STK33: variants seen among roughly 807,000 people sequenced by gnomAD.
STK33 encodes the protein serine/threonine-protein kinase 33.
A neutral mutation model predicts 58.0 loss-of-function variants in STK33; 52 were observed. That is an observed-to-expected ratio of 0.90 (90% CI 0.72 to 1.13). The LOEUF is 1.13. Ranked by LOEUF, STK33 falls within the 50% of genes most tolerant of loss-of-function variation. The pLI is 0.00. For missense variants in STK33, 630 were observed against 604.2 expected, an observed-to-expected ratio of 1.04 and a Z score of -0.45; for synonymous variants, 215 against 200.1, an observed-to-expected ratio of 1.07 and a Z score of -0.63.
chr11:8,511,895 T>C (rs1173813769), intron 1 of STK33, among the ~76,000 whole-genome samples: 1 of 152,180 alleles, frequency 6.6e-6, no homozygotes. Context: ...TTGAAGATTT[T>C]TGCATCTATC....
chr11:8,336,422 G>A, the STK33 span, among the ~76,000 whole-genome samples: 18 of 152,370 alleles, frequency 1.2e-4, no homozygotes, highest in East Asian at 1.2e-3. Flanking sequence ...TGCCATTCAC[G>A]GGGAGATGGA....
chr11:8,443,896 C>T (rs949831984), intron 11 of STK33, among the ~76,000 whole-genome samples: 3 of 152,024 alleles, frequency 2.0e-5, no homozygotes, highest in African/African-American at 7.2e-5. Context: ...GCTCCTGGCT[C>T]CTGGGGAGGC....
At chr11:8,372,526 T>C in the STK33 span, among the ~76,000 whole-genome samples, 2 of 152,210 alleles carry the variant, frequency 1.3e-5, no homozygotes, top group African/African-American at 4.8e-5. Flanking sequence ...AGTTAGAAAC[T>C]AGTAGAAAGG....
At chr11:8,426,664 C>T (rs748814303) in intron 14 of STK33, among the ~76,000 whole-genome samples, 2 of 152,078 alleles carry the variant, frequency 1.3e-5, no homozygotes, top group Non-Finnish European at 2.9e-5. Context: ...AAATACTGAC[C>T]TTGTCGATCT....
At chr11:8,543,444 C>T (rs763733301) in intron 1 of STK33, among the ~76,000 whole-genome samples, 5 of 152,082 alleles carry the variant, frequency 3.3e-5, no homozygotes, top group African/African-American at 1.2e-4. Flanking sequence ...TAATTTGTAA[C>T]AACATGGATG....
chr11:8,472,755 G>A (rs956761221), intron 6 of STK33, among the ~76,000 whole-genome samples: 1 of 151,816 alleles, frequency 6.6e-6, no homozygotes, highest in Non-Finnish European at 1.5e-5. Context: ...TTATCCAATC[G>A]CAGGATGGAA....
At chr11:8,448,656 G>C (rs1403159470) in intron 11 of STK33, among the ~76,000 whole-genome samples, 1 of 152,096 alleles carries the variant, frequency 6.6e-6, no homozygotes, top group Non-Finnish European at 1.5e-5. Context: ...AGACTTAAAT[G>C]TTAGACCTAA....
intron 1 of STK33, among the ~76,000 whole-genome samples, chr11:8,559,475 A>G (rs1332651275): frequency 6.6e-6 from 1 of 152,248 alleles, no homozygotes; most frequent in Admixed American, 6.5e-5. Context: ...CGCTATTTTT[A>G]GCATTTATCA....
chr11:8,444,548 T>C (rs143017375), intron 11 of STK33, among the ~76,000 whole-genome samples: 31 of 152,278 alleles, frequency 2.0e-4, no homozygotes, highest in African/African-American at 6.0e-4. Flanking sequence ...ATTCCTATTA[T>C]ACATATAGAA....
chr11:8,548,774 G>T (rs1039413818), intron 1 of STK33, among the ~76,000 whole-genome samples: 2 of 151,878 alleles, frequency 1.3e-5, no homozygotes, highest in Non-Finnish European at 2.9e-5. Context: ...TGTCCTCTTT[G>T]ATTTCTTTCT....
At chr11:8,574,138 T>C (rs1388659052) in intron 1 of STK33, among the ~76,000 whole-genome samples, 2 of 152,142 alleles carry the variant, frequency 1.3e-5, no homozygotes, top group Admixed American at 6.5e-5. Flanking sequence ...AAGTGGACAC[T>C]TAGAGATGGA....
At chr11:8,337,116 C>T in the STK33 span, among the ~76,000 whole-genome samples, 1 of 152,232 alleles carries the variant, frequency 6.6e-6, no homozygotes, top group African/African-American at 2.4e-5. Flanking sequence ...ACGGGCTTGT[C>T]TTCTAAGAAG....
chr11:8,536,566 T>C (rs1390830678), intron 1 of STK33, among the ~76,000 whole-genome samples: 1 of 152,148 alleles, frequency 6.6e-6, no homozygotes, highest in Non-Finnish European at 1.5e-5. Context: ...CATGATGTAA[T>C]ACAATAGGAA....
At chr11:8,494,876 A>C (rs1270791813) in intron 1 of STK33, among the ~76,000 whole-genome samples, 2 of 152,230 alleles carry the variant, frequency 1.3e-5, no homozygotes, top group Non-Finnish European at 2.9e-5. Flanking sequence ...TGGTGCTGGG[A>C]AAACTGGTTA....
intron 1 of STK33, among the ~76,000 whole-genome samples, chr11:8,548,885 T>C (rs1956122892): frequency 6.6e-6 from 1 of 152,224 alleles, no homozygotes; most frequent in Non-Finnish European, 1.5e-5. Flanking sequence ...TTCTTGTAGC[T>C]ATTGTAAATG....
intron 6 of STK33, chr11:8,465,955 AAG>A: frequency 6.6e-6 from 1 of 152,408 alleles, no homozygotes; most frequent in East Asian, 1.9e-4. Context: ...GAAGCAGGCA[AAG>A]AGAGGGCTTG....
intron 1 of STK33, among the ~76,000 whole-genome samples, chr11:8,540,864 A>G (rs1273945887): frequency 1.3e-5 from 2 of 152,110 alleles, no homozygotes; most frequent in African/African-American, 4.8e-5. Flanking sequence ...ATTATATTAG[A>G]CATTTTAGTT....
intron 1 of STK33, among the ~76,000 whole-genome samples, chr11:8,548,538 G>T (rs1230691834): frequency 1.3e-5 from 2 of 152,200 alleles, no homozygotes; most frequent in Non-Finnish European, 2.9e-5. Context: ...AAGTCAAAAA[G>T]TGTGATGCCC....
the STK33 span, among the ~76,000 whole-genome samples, chr11:8,364,775 T>C: frequency 6.6e-6 from 1 of 152,228 alleles, no homozygotes; most frequent in African/African-American, 2.4e-5. Flanking sequence ...CCACAATTTA[T>C]TTATCCCTTC....
Sources: allele counts gnomAD v4.1 joint callset (sites outside exome capture counted in the v4.1 genomes callset), GRCh38; gene constraint gnomAD v4.1.1; transcripts MANE v1.5; gene names NCBI Gene and HGNC (gene_info 2026-07-23, HGNC 2026-07-21).